POU6F2: variants seen among roughly 807,000 people sequenced by gnomAD.
POU6F2 encodes POU domain, class 6, transcription factor 2.
Under a neutral mutation model 71.3 loss-of-function variants are expected in POU6F2, and 31 were observed. The ratio of observed to expected loss-of-function variants is 0.43; its 90% CI spans 0.33 to 0.59. The LOEUF (loss-of-function observed/expected upper bound fraction) is 0.59. Among genes scored for constraint, POU6F2 ranks in the 20% least tolerant of loss-of-function variants. The pLI, the probability that POU6F2 is intolerant of heterozygous loss-of-function variation, is 0.04. For missense variants in POU6F2, 783 were observed against 856.8 expected (o/e 0.91, Z 1.07); for synonymous variants, 347 against 355.7 (o/e 0.98, Z 0.27).
chr7:39,429,118 TAAA>T (rs60711102), intron 6 of POU6F2, among the ~76,000 whole-genome samples: 16,080 of 148,846 alleles, frequency 0.11, 1,077 homozygotes, highest in Admixed American at 0.18. Context: ...ATAATAATAA[TAAA>T]AAAAAAAAAA....
chr7:39,101,159 C>T (rs1424885667), intron 2 of POU6F2, among the ~76,000 whole-genome samples: 1 of 150,940 alleles, frequency 6.6e-6, no homozygotes, highest in Non-Finnish European at 1.5e-5. Context: ...CTGCAGCCTC[C>T]AACTCCTGGG....
intron 1 of POU6F2, among the ~76,000 whole-genome samples, chr7:39,048,258 AGCTAAATT>A (rs972196802): frequency 1.3e-5 from 2 of 151,764 alleles, no homozygotes; most frequent in African/African-American, 4.8e-5. Flanking sequence ...TTTGTTACAT[AGCTAAATT>A]GTATGTTGTG....
At chr7:39,038,149 A>C (rs960434526) in intron 1 of POU6F2, among the ~76,000 whole-genome samples, 11 of 152,024 alleles carry the variant, frequency 7.2e-5, no homozygotes, top group African/African-American at 2.7e-4. Context: ...CTCTTTTGTC[A>C]TAGGATTGTT....
At chr7:39,455,548 CAT>C (rs1310723410) in intron 8 of POU6F2, among the ~76,000 whole-genome samples, 3 of 152,144 alleles carry the variant, frequency 2.0e-5, no homozygotes, top group Non-Finnish European at 4.4e-5. Flanking sequence ...ATTTACATAA[CAT>C]AGTTAATTAA....
At chr7:39,339,462 A>G (rs1162004605) in intron 4 of POU6F2, among the ~76,000 whole-genome samples, 180 bp from the exon 5 acceptor site, 1 of 152,202 alleles carries the variant, frequency 6.6e-6, no homozygotes, top group African/African-American at 2.4e-5. Flanking sequence ...AACTTTCCCC[A>G]GAAGTGACCT....
chr7:39,400,467 T>A (rs777624333), intron 5 of POU6F2, among the ~76,000 whole-genome samples: 1 of 152,206 alleles, frequency 6.6e-6, no homozygotes, highest in Non-Finnish European at 1.5e-5. Context: ...AGGATCCATT[T>A]GACCCCAAGA....
At chr7:39,098,648 C>T (rs1791506458) in intron 2 of POU6F2, among the ~76,000 whole-genome samples, 1 of 152,174 alleles carries the variant, frequency 6.6e-6, no homozygotes, top group African/African-American at 2.4e-5. Context: ...GAGTCCGGCT[C>T]TACCACTTTT....
At chr7:39,234,490 AT>A (rs935378951) in intron 4 of POU6F2, among the ~76,000 whole-genome samples, 14 of 149,846 alleles carry the variant, frequency 9.3e-5, no homozygotes, top group Middle Eastern at 3.4e-3. Flanking sequence ...GGATTTAGTG[AT>A]TTTTTTTTTC....
At chr7:39,093,105 G>A (rs1356929290) in intron 2 of POU6F2, among the ~76,000 whole-genome samples, 2 of 151,824 alleles carry the variant, frequency 1.3e-5, no homozygotes, top group African/African-American at 4.8e-5. Flanking sequence ...TGATTTTAAG[G>A]TCTTATATGT....
intron 1 of POU6F2, among the ~76,000 whole-genome samples, chr7:39,035,084 A>G (rs945559423): frequency 4.6e-5 from 7 of 151,518 alleles, no homozygotes; most frequent in African/African-American, 1.7e-4. Context: ...ATATGTGTGT[A>G]TATATATTTT....
intron 2 of POU6F2, among the ~76,000 whole-genome samples, chr7:39,175,902 G>T (rs959140021): frequency 1.3e-5 from 2 of 152,126 alleles, no homozygotes; most frequent in African/African-American, 4.8e-5. Context: ...CTGAGCAGAA[G>T]GATTACCTGT....
chr7:39,444,320 G>A (rs957517184), intron 7 of POU6F2, among the ~76,000 whole-genome samples: 3 of 152,108 alleles, frequency 2.0e-5, no homozygotes, highest in Non-Finnish European at 4.4e-5. Flanking sequence ...GCAGTGGCTC[G>A]CGCCTATAAT....
intron 4 of POU6F2, among the ~76,000 whole-genome samples, chr7:39,299,755 A>G (rs35939093): frequency 6.6e-6 from 1 of 151,968 alleles, no homozygotes; most frequent in African/African-American, 2.4e-5. Context: ...TCTTCATTCA[A>G]CTCCAAAAGG....
chr7:39,352,384 CAGTG>C (rs1460846921), intron 5 of POU6F2, among the ~76,000 whole-genome samples: 1 of 152,158 alleles, frequency 6.6e-6, no homozygotes, highest in Non-Finnish European at 1.5e-5. Context: ...TTGCCTGCCT[CAGTG>C]AGGGGAGGCG....
At position 39,054,611 on chromosome 7, in the gene POU6F2, T is replaced by G. The variant is rs572631401; in HGVS notation, c.106-31249T>G. 5.9e-5 allele frequency among the ~76,000 whole-genome samples: 9 copies of G among 151,764 alleles called. No homozygotes were observed. The East Asian group carries it at 1.8e-3, about 30-fold the overall frequency. On this transcript the variant is annotated intron_variant, in intron 1 of 9. Coordinates refer to ENST00000518318, the MANE Select transcript of POU6F2 (RefSeq NM_001370959.1). ...ATACAGAGTTCAAAGAGACAAATAT[T>G]AAGAGGAAGGAGTTACAATGGCTCA...
intron 6 of POU6F2, among the ~76,000 whole-genome samples, chr7:39,419,545 T>C (rs1410613039): frequency 6.6e-6 from 1 of 151,988 alleles, no homozygotes; most frequent in Non-Finnish European, 1.5e-5. Context: ...TGGCCTAAAG[T>C]AGGGTCTGTT....
intron 2 of POU6F2, 21 bp from the exon 3 acceptor site, chr7:39,204,214 T>C: frequency 1.3e-6 from 2 of 1,594,628 alleles, no homozygotes; most frequent in South Asian, 2.2e-5. Flanking sequence ...ATTAAGGGAG[T>C]ATTTCTCTTT....
intron 2 of POU6F2, among the ~76,000 whole-genome samples, chr7:39,150,926 T>C (rs1021234654): frequency 6.6e-6 from 1 of 152,110 alleles, no homozygotes; most frequent in African/African-American, 2.4e-5. Context: ...ATGAATGATG[T>C]TGAGCGCCTT....
intron 4 of POU6F2, among the ~76,000 whole-genome samples, chr7:39,218,608 G>T (rs1794288733): frequency 6.6e-6 from 1 of 152,106 alleles, no homozygotes; most frequent in African/African-American, 2.4e-5. Flanking sequence ...CTAAGCATCT[G>T]CTATTTGCCA....
Sources: gnomAD v4.1 joint callset for allele counts (sites outside exome capture counted in the v4.1 genomes callset) on GRCh38, gnomAD v4.1.1 for gene constraint, MANE v1.5 for transcripts, NCBI Gene and HGNC (gene_info 2026-07-23, HGNC 2026-07-21) for gene names.